The following CTNNA3 variants were observed in gnomAD, a reference collection of about 807,000 sequenced individuals.
The protein encoded by CTNNA3 is catenin alpha-3.
Under a neutral mutation model 95.7 loss-of-function variants are expected in CTNNA3, and 76 were observed. The observed-to-expected ratio is 0.79, with a 90% CI of 0.66 to 0.96. The LOEUF is 0.96. Ranked by LOEUF, CTNNA3 falls within the 40% of genes least tolerant of loss-of-function variation. The probability of loss-of-function intolerance (pLI) is 0.00; values close to 1 mark genes in which losing one functional copy is unlikely to be tolerated. For synonymous variants in CTNNA3, 431 were observed against 374.4 expected (o/e 1.15, Z -1.74); for missense variants, 1,191 against 1,089.8 (o/e 1.09, Z -1.31).
At chr10:67,701,191 A>T (rs558276032), upstream of CTNNA3, among the ~76,000 whole-genome samples, 9 of 152,358 alleles carry the variant, frequency 5.9e-5, no homozygotes, top group East Asian at 1.7e-3. Flanking sequence ...ACCAAGTTGG[A>T]AAACACTCTG....
At chr10:66,574,433 T>A (rs1564542606) in intron 10 of CTNNA3, among the ~76,000 whole-genome samples, 1 of 151,906 alleles carries the variant, frequency 6.6e-6, no homozygotes, top group Non-Finnish European at 1.5e-5. Flanking sequence ...GAATCAAAAG[T>A]ACCAATGAAA....
At chr10:66,895,054 C>CAAAAAAAAAAAAAA (rs537843933) in intron 7 of CTNNA3, among the ~76,000 whole-genome samples, 29 of 115,552 alleles carry the variant, frequency 2.5e-4, no homozygotes, top group African/African-American at 3.4e-4. Flanking sequence ...AACAAATAAA[C>CAAAAAAAAAAAAAA]AAAAAAAAAA....
intron 6 of CTNNA3, among the ~76,000 whole-genome samples, chr10:67,214,487 T>C (rs531809321): frequency 2.6e-5 from 4 of 152,036 alleles, no homozygotes; most frequent in African/African-American, 7.2e-5. Context: ...TTATACAAAG[T>C]ATACATAGTT....
At chr10:66,690,160 G>A (rs546717893) in intron 9 of CTNNA3, among the ~76,000 whole-genome samples, 3 of 152,236 alleles carry the variant, frequency 2.0e-5, no homozygotes, top group African/African-American at 7.2e-5. Context: ...GCATGTATAT[G>A]TGTGTATTTG....
chr10:66,996,805 T>A (rs1851378772), intron 7 of CTNNA3, among the ~76,000 whole-genome samples: 2 of 151,994 alleles, frequency 1.3e-5, no homozygotes, highest in Non-Finnish European at 2.9e-5. Flanking sequence ...GCATTTGAAA[T>A]TTTGCTCTAC....
chr10:67,024,700 C>T (rs984346613), intron 7 of CTNNA3, among the ~76,000 whole-genome samples: 1 of 152,096 alleles, frequency 6.6e-6, no homozygotes, highest in African/African-American at 2.4e-5. Context: ...CTTGTTAATG[C>T]TCAGATATTG....
chr10:66,520,449 A>C lies in CTNNA3; in HGVS notation c.1531+168T>G, dbSNP rs569367138. 16 of 492,842 alleles carry C rather than the reference A, an allele frequency of 3.2e-5. No individual in the cohort carries two copies. In the South Asian group the frequency reaches 4.7e-4, roughly 14 times the overall value. The allele number at this position is 492,842 out of a possible 1,614,324, so 30.5% of individuals were successfully genotyped here. A position where few individuals can be genotyped will look rare whatever the true frequency, so the allele number is the denominator to read the frequency against. ...GTATTTTTAGTAGAGCGGGGGTTTCATCATGTTGGCCAGGCTGGTATCGAA... is the reference window on the plus strand; with the variant it reads ...GTATTTTTAGTAGAGCGGGGGTTTCCTCATGTTGGCCAGGCTGGTATCGAA... On this transcript the variant is annotated intron_variant, in intron 11 of 17. Transcript: ENST00000433211.
At chr10:66,735,680 C>A (rs1849111828) in intron 9 of CTNNA3, among the ~76,000 whole-genome samples, 5 of 151,980 alleles carry the variant, frequency 3.3e-5, no homozygotes, top group Admixed American at 3.3e-4. Context: ...TAAATAAATT[C>A]TTGCTTTTAT....
chr10:66,836,944 T>C (rs1842906209), intron 7 of CTNNA3, among the ~76,000 whole-genome samples: 1 of 152,158 alleles, frequency 6.6e-6, no homozygotes, highest in Non-Finnish European at 1.5e-5. Context: ...TCATCCAGTC[T>C]TGTCAGAAAT....
At chr10:66,587,880 A>T (rs1319443199) in intron 10 of CTNNA3, among the ~76,000 whole-genome samples, 19 of 152,164 alleles carry the variant, frequency 1.2e-4, no homozygotes, top group Admixed American at 1.2e-3. Flanking sequence ...GTGAAGCAGG[A>T]GTGCCCAGCT....
chr10:67,557,494 T>G (rs1434020014), intron 3 of CTNNA3, among the ~76,000 whole-genome samples: 1 of 152,088 alleles, frequency 6.6e-6, no homozygotes, highest in East Asian at 1.9e-4. Flanking sequence ...AGAGAACATA[T>G]TGGTTGTGTG....
At chr10:67,296,006 C>T (rs1302581153) in intron 5 of CTNNA3, among the ~76,000 whole-genome samples, 1 of 152,126 alleles carries the variant, frequency 6.6e-6, no homozygotes, top group Non-Finnish European at 1.5e-5. Flanking sequence ...ATAGTAGACA[C>T]TGTAGATATC....
intron 17 of CTNNA3, among the ~76,000 whole-genome samples, chr10:65,950,665 A>T (rs1369933667): frequency 6.6e-6 from 1 of 152,202 alleles, no homozygotes; most frequent in Non-Finnish European, 1.5e-5. Flanking sequence ...TTTTCTAAGG[A>T]TTGATAACAA....
At chr10:67,372,924 G>A (rs1258603096) in intron 5 of CTNNA3, among the ~76,000 whole-genome samples, 1 of 152,140 alleles carries the variant, frequency 6.6e-6, no homozygotes, top group Non-Finnish European at 1.5e-5. Context: ...ACAAGCAAAT[G>A]CTGAGAGATT....
chr10:67,726,084 T>C (rs1451416320), intron 1 of CTNNA3, among the ~76,000 whole-genome samples: 29 of 119,616 alleles, frequency 2.4e-4, no homozygotes, highest in African/African-American at 8.1e-4. Flanking sequence ...TTAAATTATA[T>C]ATTATAATAT....
chr10:66,780,888 T>C (rs1840508016), intron 7 of CTNNA3, among the ~76,000 whole-genome samples: 1 of 152,196 alleles, frequency 6.6e-6, no homozygotes, highest in Non-Finnish European at 1.5e-5. Flanking sequence ...TCTATATTCC[T>C]TTCTAACTTT....
intron 15 of CTNNA3, among the ~76,000 whole-genome samples, chr10:66,022,981 T>C (rs2079253208): frequency 6.6e-6 from 1 of 152,196 alleles, no homozygotes; most frequent in African/African-American, 2.4e-5. Flanking sequence ...CCCATATCAC[T>C]TGGAGTAGAA....
intron 15 of CTNNA3, among the ~76,000 whole-genome samples, chr10:66,067,808 C>A (rs1263152980): frequency 5.3e-5 from 8 of 151,848 alleles, no homozygotes; most frequent in Admixed American, 5.3e-4. Flanking sequence ...CCCAGCTACT[C>A]GGGAGGCTGA....
At position 66,331,338 on chromosome 10, in the gene CTNNA3, G is replaced by GCTTGTTTT; in HGVS notation, c.1732+47813_1732+47814insAAAACAAG. On this transcript the variant is annotated intron_variant, in intron 12 of 17. Transcript: ENST00000433211. ...TTAAATATGGACTCCTTTCCCCATT[G>GCTTGTTTT]TTTGTTTTTTTTTTTTTTTTTTTTT... Among the ~76,000 whole-genome samples, 23 of 39,110 alleles carry GCTTGTTTT rather than the reference G, an allele frequency of 5.9e-4. 4 individuals carry two copies. The highest frequency in any genetic ancestry group is 9.3e-4 in the African/African-American group (13 of 13,984). The allele number at this position is 39,110 out of a possible 152,430, so 25.7% of individuals were successfully genotyped here.
Sources: allele counts gnomAD v4.1 joint callset (sites outside exome capture counted in the v4.1 genomes callset), GRCh38; gene constraint gnomAD v4.1.1; transcripts MANE v1.5; gene names NCBI Gene and HGNC (gene_info 2026-07-23, HGNC 2026-07-21).